CNTNAP2: variants seen among roughly 807,000 people sequenced by gnomAD.
CNTNAP2 encodes contactin-associated protein-like 2.
A neutral mutation model predicts 155.2 loss-of-function variants in CNTNAP2; 98 were observed. That is an observed-to-expected ratio of 0.63 (90% CI 0.54 to 0.75). The LOEUF is 0.75. CNTNAP2 is among the 30% of genes least tolerant of loss of function. The pLI, the probability that CNTNAP2 is intolerant of heterozygous loss-of-function variation, is 0.00. For synonymous variants in CNTNAP2, 651 were observed against 631.2 expected, an observed-to-expected ratio of 1.03 and a Z score of -0.47; for missense variants, 1,727 against 1,688.1, an observed-to-expected ratio of 1.02 and a Z score of -0.40.
chr7:147,459,492 G>C (rs993973920), intron 10 of CNTNAP2, among the ~76,000 whole-genome samples: 4 of 152,298 alleles, frequency 2.6e-5, no homozygotes, highest in Non-Finnish European at 4.4e-5. Flanking sequence ...GAGGTTTAGA[G>C]ATTATCTTGG....
chr7:146,381,878 C>A (rs928976924), intron 1 of CNTNAP2, among the ~76,000 whole-genome samples: 1 of 152,076 alleles, frequency 6.6e-6, no homozygotes, highest in Non-Finnish European at 1.5e-5. Flanking sequence ...CTGTAGACTG[C>A]GACTTAGAAC....
intron 11 of CNTNAP2, among the ~76,000 whole-genome samples, chr7:147,520,433 C>T (rs1799211715): frequency 6.6e-6 from 1 of 152,194 alleles, no homozygotes; most frequent in Non-Finnish European, 1.5e-5. Flanking sequence ...AAGTATTATG[C>T]TTTCAAGGAA....
intron 9 of CNTNAP2, among the ~76,000 whole-genome samples, chr7:147,369,605 C>A (rs1431028757): frequency 6.6e-6 from 1 of 152,182 alleles, no homozygotes; most frequent in Non-Finnish European, 1.5e-5. Flanking sequence ...GCCATATGGT[C>A]TCTGTCAAAA....
At chr7:146,279,916 T>C (rs1449837009) in intron 1 of CNTNAP2, among the ~76,000 whole-genome samples, 1 of 151,856 alleles carries the variant, frequency 6.6e-6, no homozygotes, top group Non-Finnish European at 1.5e-5. Context: ...AAAAGTACTA[T>C]ATACTAATAA....
intron 1 of CNTNAP2, among the ~76,000 whole-genome samples, chr7:146,390,123 A>G (rs949124890): frequency 2.0e-5 from 3 of 152,134 alleles, no homozygotes; most frequent in African/African-American, 7.2e-5. Context: ...TCCAAAAGTA[A>G]TTGTGCAATA....
intron 8 of CNTNAP2, among the ~76,000 whole-genome samples, chr7:147,168,073 T>TGTCA (rs1802153361): frequency 6.7e-6 from 1 of 148,748 alleles, no homozygotes; most frequent in Non-Finnish European, 1.5e-5. Context: ...ATATATATAT[T>TGTCA]TATACATATA....
intron 10 of CNTNAP2, among the ~76,000 whole-genome samples, chr7:147,450,333 C>T (rs1481507173): frequency 6.6e-6 from 1 of 152,170 alleles, no homozygotes; most frequent in African/African-American, 2.4e-5. Flanking sequence ...AGCCAGGAAA[C>T]ATTATCCTCA....
At chr7:146,417,985 G>T (rs1002024800) in intron 1 of CNTNAP2, among the ~76,000 whole-genome samples, 1 of 152,142 alleles carries the variant, frequency 6.6e-6, no homozygotes, top group Non-Finnish European at 1.5e-5. Flanking sequence ...CCAGTTGGGG[G>T]ATATAAAAAA....
intron 1 of CNTNAP2, among the ~76,000 whole-genome samples, chr7:146,756,571 A>G (rs182987554): frequency 3.7e-4 from 56 of 152,154 alleles, no homozygotes; most frequent in African/African-American, 1.2e-3. Context: ...CCCAAATTCA[A>G]TATATACACA....
intron 11 of CNTNAP2, among the ~76,000 whole-genome samples, chr7:147,496,295 C>A (rs1158282900): frequency 6.6e-6 from 1 of 152,136 alleles, no homozygotes; most frequent in African/African-American, 2.4e-5. Context: ...TTGGAGAATG[C>A]TGCTTTAGAA....
At chr7:147,203,532 T>G (rs1200756791) in intron 8 of CNTNAP2, among the ~76,000 whole-genome samples, 2 of 152,130 alleles carry the variant, frequency 1.3e-5, no homozygotes, top group Non-Finnish European at 2.9e-5. Flanking sequence ...ACGCCCAGGC[T>G]CTTAATTTTA....
At chr7:146,427,478 T>A (rs1460700257) in intron 1 of CNTNAP2, among the ~76,000 whole-genome samples, 1 of 152,218 alleles carries the variant, frequency 6.6e-6, no homozygotes, top group Non-Finnish European at 1.5e-5. Flanking sequence ...AACTTTATTC[T>A]TCTTTTGATT....
intron 23 of CNTNAP2, among the ~76,000 whole-genome samples, chr7:148,410,459 C>T (rs1799809292): frequency 1.3e-5 from 2 of 149,486 alleles, no homozygotes; most frequent in South Asian, 2.1e-4. Flanking sequence ...CCCAGCTACT[C>T]GGGAGCCTGA....
At chr7:146,148,260 C>T (rs1287768539) in intron 1 of CNTNAP2, among the ~76,000 whole-genome samples, 2 of 151,992 alleles carry the variant, frequency 1.3e-5, no homozygotes, top group Non-Finnish European at 2.9e-5. Context: ...GGATTTTGTG[C>T]CAGAAATTAT....
At chr7:146,567,111 A>T (rs1798369163) in intron 1 of CNTNAP2, among the ~76,000 whole-genome samples, 1 of 152,224 alleles carries the variant, frequency 6.6e-6, no homozygotes, top group South Asian at 2.1e-4. Context: ...CAAAAATGAA[A>T]TTGAGAACAG....
chr7:147,506,417 G>C (rs772924011), intron 11 of CNTNAP2, among the ~76,000 whole-genome samples: 4 of 151,968 alleles, frequency 2.6e-5, no homozygotes, highest in African/African-American at 9.7e-5. Flanking sequence ...CACCATGCCC[G>C]GCTAATTTTA....
At chr7:146,166,287 T>C (rs1353231586) in intron 1 of CNTNAP2, among the ~76,000 whole-genome samples, 1 of 152,132 alleles carries the variant, frequency 6.6e-6, no homozygotes, top group Non-Finnish European at 1.5e-5. Flanking sequence ...GAGATGGGGT[T>C]TCACCATTTT....
chr7:147,115,696 G>T (rs1434161240), intron 5 of CNTNAP2, among the ~76,000 whole-genome samples: 1 of 151,962 alleles, frequency 6.6e-6, no homozygotes, highest in African/African-American at 2.4e-5. Flanking sequence ...GGGTGTTCTG[G>T]CTATCAGATC....
At chr7:148,318,717 C>T (rs901882983) in intron 21 of CNTNAP2, among the ~76,000 whole-genome samples, 1 of 152,164 alleles carries the variant, frequency 6.6e-6, no homozygotes, top group African/African-American at 2.4e-5. Context: ...TGGATAATTA[C>T]ATATTTCCCT....
Sources: gnomAD v4.1 joint callset for allele counts (sites outside exome capture counted in the v4.1 genomes callset) on GRCh38, gnomAD v4.1.1 for gene constraint, MANE v1.5 for transcripts, NCBI Gene and HGNC (gene_info 2026-07-23, HGNC 2026-07-21) for gene names.